NUBP2: variants seen among roughly 807,000 people sequenced by gnomAD.
NUBP2 encodes the protein NUBP iron-sulfur cluster assembly factor 2, cytosolic, also known as cytosolic Fe-S cluster assembly factor NUBP2.
NUBP2 carries 23 observed loss-of-function variants against 24.9 expected under a neutral mutation model. That is an observed-to-expected ratio of 0.92 (90% CI 0.66 to 1.31). The LOEUF (loss-of-function observed/expected upper bound fraction) is 1.31. Ranked by LOEUF, NUBP2 falls within the 50% of genes most tolerant of loss-of-function variation. The pLI, the probability that NUBP2 is intolerant of heterozygous loss-of-function variation, is 0.00. For synonymous variants in NUBP2, 186 were observed against 170.9 expected (o/e 1.09, Z -0.69); for missense variants, 403 against 386.5 (o/e 1.04, Z -0.36).
At chr16:1,786,700 C>T (rs370953536) in intron 2 of NUBP2, 45 bp downstream of exon 2, 17 of 1,611,592 alleles carry the variant, frequency 1.1e-5, no homozygotes, top group African/African-American at 4.0e-5. Context: ...GGCAGCTGCC[C>T]GCATCCCGGT....
In NUBP2 at chr16:1,785,530, C is replaced by T; in HGVS notation, c.17-1007C>T. 4 of 1,206,782 alleles carry T rather than the reference C, an allele frequency of 3.3e-6. No homozygotes were observed. In the South Asian group the frequency reaches 4.5e-5, roughly 14 times the overall value. The allele number at this position is 1,206,782 out of a possible 1,614,324, so 74.8% of individuals were successfully genotyped here. On this transcript the variant is annotated intron_variant, in intron 1 of 6. Transcript: ENST00000262302. Reference sequence around the variant, plus strand: ...TACAGAAGTGCATGCTCCCTCTCTGCACGGGCCACTTCTGGTACCTCTTGG... The same window carrying T: ...TACAGAAGTGCATGCTCCCTCTCTGTACGGGCCACTTCTGGTACCTCTTGG...
In NUBP2 at chr16:1,785,303, T is replaced by TG. The variant is rs373370397; in HGVS notation, c.17-1229dup. 3.2e-4 allele frequency: 336 copies of TG among 1,061,812 alleles called. No homozygotes were observed. The African/African-American group carries it at 5.2e-3, about 16-fold the overall frequency. 65.8% of individuals were successfully genotyped at this position (1,061,812 alleles called of 1,614,324 possible). ...AGTTTGCTGAGAAGTGAAATGTTCT[T>TG]GGGGGAACCCTCAGGGTTGTTGTCC... On this transcript the variant is annotated intron_variant, in intron 1 of 6. Transcript: ENST00000262302.
chr16:1,787,032 C>A, intron 3 of NUBP2, 77 bp downstream of exon 3: 1 of 1,344,084 alleles, frequency 7.4e-7, no homozygotes, highest in Non-Finnish European at 9.8e-7. Flanking sequence ...TGGAAATGTT[C>A]CTCTTCAGCA....
intron 5 of NUBP2, 34 bp downstream of exon 5, chr16:1,788,085 G>A (rs1316506479): frequency 6.4e-7 from 1 of 1,560,624 alleles, no homozygotes; most frequent in Non-Finnish European, 8.7e-7. Flanking sequence ...GGGCGAGGCA[G>A]CACCTGGCCG....
intron 3 of NUBP2, 115 bp downstream of exon 3, chr16:1,787,070 A>G (rs942123651): frequency 1.4e-5 from 14 of 1,014,098 alleles, no homozygotes; most frequent in Admixed American, 3.0e-5. Flanking sequence ...GGACCTGCAC[A>G]TGACACCCAC....
intron 3 of NUBP2, chr16:1,787,223 C>T: frequency 4.5e-6 from 2 of 443,368 alleles, no homozygotes; most frequent in Admixed American, 3.8e-5. Context: ...CCCAGTGTGG[C>T]AGGTCATAGG....
chr16:1,787,164 G>A, intron 3 of NUBP2: 1 of 517,482 alleles, frequency 1.9e-6, no homozygotes, highest in Non-Finnish European at 3.4e-6. Flanking sequence ...CCGGTCAGAG[G>A]GAGTGGGGTC....
At chr16:1,783,086 C>A in intron 1 of NUBP2, 50 bp downstream of exon 1, 1 of 1,230,318 alleles carries the variant, frequency 8.1e-7, no homozygotes, top group Non-Finnish European at 1.0e-6. Flanking sequence ...CGCTTGGGGC[C>A]CCGCCGCGTC....
chr16:1,788,235 C>T (rs1203525390), intron 6 of NUBP2, 28 bp downstream of exon 6: 2 of 1,450,032 alleles, frequency 1.4e-6, no homozygotes, highest in African/African-American at 1.4e-5. Context: ...GTGCTGGGGT[C>T]GCGGCCTCCC....
At chr16:1,785,548 C>T (rs987176669) in intron 1 of NUBP2, 4 of 1,216,076 alleles carry the variant, frequency 3.3e-6, no homozygotes, top group African/African-American at 3.2e-5. Flanking sequence ...ACTTCTGGTA[C>T]CTCTTGGTGT....
rs1473803445 is a variant in NUBP2, at chr16:1,785,157, C to T, written c.17-1380C>T. ...ACCGGGACTCATTGTCCATGGAGAG[C>T]GCACTCGCCTTCCTCGGGGAGATGG... is the stretch of plus-strand genomic sequence containing the variant. On this transcript the variant is annotated intron_variant, in intron 1 of 6. Transcript: ENST00000262302. 2.3e-5 allele frequency: 23 copies of T among 996,608 alleles called. No individual in the cohort carries two copies. The Admixed American group carries it at 3.3e-4, about 14-fold the overall frequency. The allele number at this position is 996,608 out of a possible 1,614,324, so 61.7% of individuals were successfully genotyped here.
At chr16:1,785,963 G>A (rs1896946413) in intron 1 of NUBP2, 1 of 1,216,430 alleles carries the variant, frequency 8.2e-7, no homozygotes. Flanking sequence ...GTGTGGCAGG[G>A]ACAGGATGGG....
intron 1 of NUBP2, among the ~76,000 whole-genome samples, chr16:1,784,245 C>A (rs1806683474): frequency 1.3e-5 from 2 of 152,086 alleles, no homozygotes; most frequent in Admixed American, 1.3e-4. Flanking sequence ...ATGCACCACC[C>A]CGCTTGGCTA....
At chr16:1,787,002 G>A (rs372859569) in intron 3 of NUBP2, 47 bp downstream of exon 3, 56 of 1,455,928 alleles carry the variant, frequency 3.8e-5, no homozygotes, top group African/African-American at 2.5e-4. Context: ...GGGGGTTAGC[G>A]TCCGTGCCGG....
chr16:1,787,443 G>A (rs150456440), intron 3 of NUBP2: 12,645 of 595,908 alleles, frequency 0.021, 223 homozygotes, highest in Non-Finnish European at 0.03. Flanking sequence ...AGTCAGCGGG[G>A]GCTCTGTGGG....
rs1191904277 is a variant in NUBP2, at chr16:1,788,658, G to T, written c.760G>T (p.Ala254Ser). 6.2e-7 allele frequency: 1 copy of T among 1,612,148 alleles called. No homozygotes were observed. Among genetic ancestry groups the T allele is most frequent in the Non-Finnish European group, 8.5e-7 (1 of 1,179,790 alleles). ...GTTCCCTGGGAGCCCCGCCTTCGCT[G>T]CACTCACCTCCATAGCCCAGAAGAT... is the stretch of plus-strand genomic sequence containing the variant. ...QEFPGSPAFA[A>S]LTSIAQKILD... The change falls in exon 7 of 7, where the codon GCA becomes TCA. Residue 254 changes from alanine to serine, a missense_variant. Physicochemically the swap from Ala to Ser is moderately conservative, Grantham distance 99. Transcript: ENST00000262302.
At chr16:1,787,654 C>T (rs1897041091) in intron 3 of NUBP2, 23 bp from the exon 4 acceptor site, 1 of 1,609,558 alleles carries the variant, frequency 6.2e-7, no homozygotes, top group African/African-American at 1.3e-5. Context: ...GCCCTGACCG[C>T]CCCGTCTGCC....
At position 1,787,707 on chromosome 16, in the gene NUBP2, C is replaced by T. The variant is rs1331998188; in HGVS notation, c.365C>T (p.Ala122Val). The T allele has an allele frequency of 6.2e-7, 1 of 1,612,666 alleles. No individual in the cohort carries two copies. Among genetic ancestry groups the T allele is most frequent in the South Asian group, 1.1e-5 (1 of 91,088 alleles). ...ALIKQFVSDVAWGELDYLVVD... is the reference protein window; with the variant it reads ...ALIKQFVSDVVWGELDYLVVD... Reference sequence around the variant, plus strand: ...ATAAAGCAGTTTGTGTCCGACGTGGCCTGGGGGGAGCTGGACTACCTGGTG... The same window carrying T: ...ATAAAGCAGTTTGTGTCCGACGTGGTCTGGGGGGAGCTGGACTACCTGGTG... The change falls in exon 4 of 7, where the codon GCC (alanine) becomes GTC (valine). Residue 122 changes from alanine (A) to valine (V), a missense_variant. Ala to Val is a moderately conservative substitution (Grantham distance 64). Transcript: ENST00000262302.
chr16:1,783,517 C>A, intron 1 of NUBP2: 1 of 986,696 alleles, frequency 1.0e-6, no homozygotes, highest in Non-Finnish European at 1.2e-6. Flanking sequence ...GTAAGTTGCG[C>A]GGGACAGAAT....
Sources: allele counts gnomAD v4.1 joint callset (sites outside exome capture counted in the v4.1 genomes callset), GRCh38; gene constraint gnomAD v4.1.1; transcripts MANE v1.5; gene names NCBI Gene and HGNC (gene_info 2026-07-23, HGNC 2026-07-21).